Variants in USP35 observed in about 807,000 individuals in gnomAD.
USP35 encodes ubiquitin carboxyl-terminal hydrolase 35.
Under a neutral mutation model 83.8 loss-of-function variants are expected in USP35, and 69 were observed. The ratio of observed to expected loss-of-function variants is 0.82; its 90% CI spans 0.68 to 1.01. USP35 has a LOEUF of 1.01. Ranked by LOEUF, USP35 falls within the 50% of genes least tolerant of loss-of-function variation. USP35 has a pLI of 0.00. For synonymous variants in USP35, 714 were observed against 589.5 expected, an observed-to-expected ratio of 1.21 and a Z score of -3.06; for missense variants, 1,503 against 1,362.5, an observed-to-expected ratio of 1.10 and a Z score of -1.62.
intron 10 of USP35, among the ~76,000 whole-genome samples, chr11:78,213,140 G>C (rs911011121): frequency 1.3e-5 from 2 of 152,240 alleles, no homozygotes; most frequent in Non-Finnish European, 2.9e-5. Flanking sequence ...CACAGCCTAT[G>C]TGCTGTTTTA....
Position 78,205,723 on chromosome 11 carries a change from G to A in USP35, c.1198-119G>A, listed in dbSNP as rs1048845869. ...ACACACCCCAGAACATCTGTGGGGGGGTGTGCCTGGGAGGCCTTGGGGTTG... is the reference window on the plus strand; with the variant it reads ...ACACACCCCAGAACATCTGTGGGGGAGTGTGCCTGGGAGGCCTTGGGGTTG... On this transcript the variant is annotated intron_variant, in intron 6 of 10. Transcript: ENST00000529308. The A allele has an allele frequency of 1.3e-5, 14 of 1,063,178 alleles. No individual in the cohort carries two copies. The East Asian group carries it at 1.5e-4, about 11-fold the overall frequency. 65.9% of individuals were successfully genotyped at this position (1,063,178 alleles called of 1,614,324 possible).
intron 6 of USP35, among the ~76,000 whole-genome samples, chr11:78,201,658 C>T (rs1463076610): frequency 2.0e-5 from 3 of 152,196 alleles, no homozygotes; most frequent in Non-Finnish European, 4.4e-5. Context: ...TCTGTGGCTA[C>T]TGCTACACTT....
chr11:78,215,441 T>C (rs1864072708), downstream of USP35: 1 of 152,542 alleles, frequency 6.6e-6, no homozygotes, highest in Non-Finnish European at 1.5e-5. Flanking sequence ...CGGATAAATA[T>C]GTTACAATTT....
chr11:78,223,417 C>T, the USP35 span: 3 of 1,523,384 alleles, frequency 2.0e-6, no homozygotes, highest in African/African-American at 1.4e-5. Context: ...CTTACCTTTC[C>T]GATCAGGTTT....
intron 1 of USP35, among the ~76,000 whole-genome samples, chr11:78,190,973 A>G (rs1862985633): frequency 6.6e-6 from 1 of 152,012 alleles, no homozygotes; most frequent in Non-Finnish European, 1.5e-5. Flanking sequence ...AGGAGTTTGG[A>G]CCTTATTCTG....
rs1370487650 is a variant in USP35 at position 78,210,277 on chromosome 11, C to T, written c.2422C>T (p.Leu808=). 2 of 1,614,156 alleles carry T rather than the reference C, an allele frequency of 1.2e-6. No homozygotes were observed. Among genetic ancestry groups the T allele is most frequent in the African/African-American group, 1.3e-5 (1 of 75,072 alleles). ...SQGPCYLILT[L]LRFSFDLRTM... The stretch of plus-strand genomic sequence containing the variant: ...AGGGCCGTGCTACCTCATCCTCACA[C>T]TGCTGCGCTTCTCTTTCGACCTGCG... The change falls in exon 10 of 11, where the codon CTG becomes TTG. Residue 808 remains leucine (L), a synonymous_variant. Transcript: ENST00000529308.
At position 78,213,668 on chromosome 11, in the gene USP35, G is replaced by C. The variant is rs146860446; in HGVS notation, c.2912G>C (p.Ser971Thr). 39 of 1,501,246 alleles carry C rather than the reference G, an allele frequency of 2.6e-5. No homozygotes were observed. Among genetic ancestry groups the C allele is most frequent in the Middle Eastern group, 1.7e-4 (1 of 5,736 alleles). The allele number at this position is 1,501,246 out of a possible 1,614,324, so 93.0% of individuals were successfully genotyped here. Residue 971 changes from serine (S) to threonine (T), a missense_variant, in exon 11 of 11, where the codon AGC (serine) becomes ACC (threonine). Transcript: ENST00000529308. ...CAGGAGCAGGAGAAGGAGGCCCGGA[G>C]CAGGGCGGCCTACATCTCTGCACTC... is the stretch of plus-strand genomic sequence containing the variant. ...YLQEQEKEAR[S>T]RAAYISALPT... is the part of the protein sequence containing the mutation.
intron 4 of USP35, 61 bp downstream of exon 4, chr11:78,199,785 G>A: frequency 1.4e-5 from 23 of 1,610,848 alleles, no homozygotes; most frequent in Non-Finnish European, 1.9e-5. Context: ...TGCCAGGGGC[G>A]GTGCAGGTCT....
the USP35 span, chr11:78,226,620 G>GGGGGGGGGGGGCCCC: frequency 6.7e-7 from 1 of 1,500,572 alleles, no homozygotes; most frequent in Non-Finnish European, 9.3e-7. Context: ...GCGGGGTGGG[G>GGGGGGGGGGGGCCCC]GAGCTATGGC....
intron 8 of USP35, among the ~76,000 whole-genome samples, chr11:78,208,064 T>A (rs567947887): frequency 5.9e-5 from 9 of 152,186 alleles, no homozygotes; most frequent in Non-Finnish European, 8.8e-5. Context: ...AGAGCATGCA[T>A]GAGAGAAGGG....
chr11:78,210,342 C>T lies in USP35; in HGVS notation c.2487C>T (p.Ile829=). ...GCAAGATCCTGGATGACGTCTCCAT[C>T]CCCCTGCTGCTCCGCCTGCCACTGG... ...RRRKILDDVS[I]PLLLRLPLAG... is the part of the protein sequence containing the mutation. The change falls in exon 10 of 11, where the codon ATC becomes ATT. Residue 829 remains isoleucine, a synonymous_variant. Transcript: ENST00000529308. 1 of 1,612,710 alleles carries T rather than the reference C, an allele frequency of 6.2e-7. No homozygotes were observed.
downstream of USP35, among the ~76,000 whole-genome samples, chr11:78,219,944 G>A (rs1001440482): frequency 2.0e-5 from 3 of 152,114 alleles, no homozygotes; most frequent in South Asian, 2.1e-4. Context: ...CTGATGTATC[G>A]ACGGCAGGGC....
the USP35 span, among the ~76,000 whole-genome samples, chr11:78,236,251 T>C: frequency 0.017 from 2,514 of 152,342 alleles, 72 homozygotes; most frequent in African/African-American, 0.057. Flanking sequence ...GTTCACTGCA[T>C]ACTGTAAAAC....
intron 10 of USP35, 80 bp from the exon 11 acceptor site, chr11:78,213,553 GAGGAAACATTGAA>G (rs1863894658): frequency 7.3e-7 from 1 of 1,369,748 alleles, no homozygotes; most frequent in Non-Finnish European, 9.5e-7. Context: ...TGGGGACCTA[GAGGAAACATTGAA>G]AGGTGTTGTG....
At chr11:78,222,483 A>C in the USP35 span, among the ~76,000 whole-genome samples, 3 of 150,526 alleles carry the variant, frequency 2.0e-5, no homozygotes, top group African/African-American at 7.3e-5. Context: ...TTTCTCCCTC[A>C]ATTTATGACT....
chr11:78,192,970 T>C (rs548000517), intron 1 of USP35, among the ~76,000 whole-genome samples: 1 of 152,212 alleles, frequency 6.6e-6, no homozygotes, highest in South Asian at 2.1e-4. Flanking sequence ...GCCCTCTTGC[T>C]TCACACATGA....
rs116153961 is a variant in USP35, at chr11:78,198,752, A to G, written c.806+684A>G. On this transcript the variant is annotated intron_variant, in intron 3 of 10. Transcript: ENST00000529308. Reference sequence around the variant, plus strand: ...CTAGAGGTCAAATCCCGCCTCTACCACTTCTTGCCTGTGCGACCTTGGACA... The same window carrying G: ...CTAGAGGTCAAATCCCGCCTCTACCGCTTCTTGCCTGTGCGACCTTGGACA... The G allele has an allele frequency of 1.0e-3, 961 of 960,852 alleles. 9 individuals carry two copies. In the African/African-American group the frequency reaches 0.015, roughly 15 times the overall value. 59.5% of individuals were successfully genotyped at this position (960,852 alleles called of 1,614,324 possible).
the USP35 span, among the ~76,000 whole-genome samples, chr11:78,232,133 T>A: frequency 3.3e-5 from 5 of 152,232 alleles, no homozygotes; most frequent in Non-Finnish European, 7.3e-5. Context: ...CTTTGGTCAG[T>A]CAATCAAAGC....
rs1038975869 is a variant in USP35, at chr11:78,214,597, C to CCA, written c.*786_*787dup. 5.2e-5 allele frequency: 8 copies of CCA among 152,416 alleles called. No individual in the cohort carries two copies. The highest frequency in any genetic ancestry group is 1.4e-4 in the African/African-American group (6 of 41,590). The allele number at this position is 152,416 out of a possible 1,614,324, so 9.4% of individuals were successfully genotyped here. A position where few individuals can be genotyped will look rare whatever the true frequency, so the allele number is the denominator to read the frequency against. On this transcript the variant is annotated 3_prime_UTR_variant, in exon 11 of 11. Coordinates refer to ENST00000529308, the MANE Select transcript of USP35 (RefSeq NM_020798.4). Reference sequence around the variant, plus strand: ...TTGGCCTTTGTAGCTGCAACAGCAGCCACCTGCAGGTTGGGTGAAGTGCCC... The same window carrying CCA: ...TTGGCCTTTGTAGCTGCAACAGCAGCCACACCTGCAGGTTGGGTGAAGTGCCC...
Sources: gnomAD v4.1 joint callset for allele counts (sites outside exome capture counted in the v4.1 genomes callset) on GRCh38, gnomAD v4.1.1 for gene constraint, MANE v1.5 for transcripts, NCBI Gene and HGNC (gene_info 2026-07-23, HGNC 2026-07-21) for gene names.